The following CMC2 variants were observed in gnomAD, a reference collection of about 807,000 sequenced individuals.
The protein encoded by CMC2 is COX assembly mitochondrial protein 2 homolog.
CMC2 carries 5 observed loss-of-function variants against 7.5 expected under a neutral mutation model. That is an observed-to-expected ratio of 0.66 (90% CI 0.35 to 1.40). CMC2 has a LOEUF of 1.40. CMC2 is among the 40% of genes most tolerant of loss of function. The pLI is 0.04. For missense variants in CMC2, 115 were observed against 92.3 expected (o/e 1.25, Z -1.01); for synonymous variants, 37 against 31.4 (o/e 1.18, Z -0.60).
chr16:80,992,705 C>CTTTTTTTTTTTTTTTT (rs71390989), intron 2 of CMC2, among the ~76,000 whole-genome samples: 1 of 92,518 alleles, frequency 1.1e-5, no homozygotes, highest in Admixed American at 1.3e-4. Context: ...ATTCCCCCTC[C>CTTTTTTTTTTTTTTTT]TTTTTTTTTT....
At chr16:81,000,268 C>A (rs2194321) in intron 1 of CMC2, among the ~76,000 whole-genome samples, 95,759 of 152,018 alleles carry the variant, frequency 0.63, 31,677 homozygotes, top group South Asian at 0.79. Flanking sequence ...GAGGCCAAGG[C>A]AGGCAGATCA....
intron 3 of CMC2, among the ~76,000 whole-genome samples, chr16:80,980,569 G>A (rs1399019329): frequency 2.8e-4 from 30 of 107,612 alleles, no homozygotes; most frequent in African/African-American, 1.1e-3. Flanking sequence ...TCATATAAAG[G>A]ACAAACATTT....
In CMC2 at chr16:80,977,971, C is replaced by G. The variant is rs145002616; in HGVS notation, c.154-1792G>C. ...CCTGTAATTCCAGCTATTCAGGAGG[C>G]TGAGGCAGGAGAATCACTTGAATCC... On this transcript the variant is annotated intron_variant, in intron 3 of 3. Transcript: ENST00000219400. Among the ~76,000 whole-genome samples, 98 of 151,602 alleles carry G rather than the reference C, an allele frequency of 6.5e-4. 2 individuals are homozygous for G. In the East Asian group the frequency reaches 0.015, roughly 23 times the overall value.
At chr16:81,001,026 G>A (rs773249834) in intron 1 of CMC2, among the ~76,000 whole-genome samples, 13 of 152,260 alleles carry the variant, frequency 8.5e-5, no homozygotes, top group Admixed American at 3.9e-4. Flanking sequence ...AAAAAAGGAC[G>A]AAATTATGTC....
rs947816734 is a variant in CMC2 at position 80,971,599 on chromosome 16, C to CATATATATATATATATATATATATAT, written c.*4493_*4494insATATATATATATATATATATATATAT. 58 of 113,162 alleles carry CATATATATATATATATATATATATAT rather than the reference C, an allele frequency of 5.1e-4. 3 individuals carry two copies. Among genetic ancestry groups the CATATATATATATATATATATATATAT allele is most frequent in the African/African-American group, 1.6e-3 (35 of 21,832 alleles). 7.0% of individuals were successfully genotyped at this position (113,162 alleles called of 1,614,324 possible). A position where few individuals can be genotyped will look rare whatever the true frequency, so the allele number is the denominator to read the frequency against. ...ATATATATATATGTATGAAATCATGCATATATATATATGTATGAAATCATG... is the reference window on the plus strand; with the variant it reads ...ATATATATATATGTATGAAATCATGCATATATATATATATATATATATATATATATATATATATGTATGAAATCATG... On this transcript the variant is annotated 3_prime_UTR_variant, in exon 4 of 4. Transcript: ENST00000219400.
At position 80,971,088 on chromosome 16, in the gene CMC2, T is replaced by A. The variant is rs183498593; in HGVS notation, c.*5005A>T. Reference sequence around the variant, plus strand: ...AGGTGGAAGTTGCAGCGAGCTGAGATCATACCACTGCACTCCAGCCTGGGT... The same window carrying A: ...AGGTGGAAGTTGCAGCGAGCTGAGAACATACCACTGCACTCCAGCCTGGGT... On this transcript the variant is annotated 3_prime_UTR_variant, in exon 4 of 4. Transcript: ENST00000219400. 6.6e-6 allele frequency: 1 copy of A among 152,262 alleles called. No individual in the cohort carries two copies. Among genetic ancestry groups the A allele is most frequent in the Non-Finnish European group, 1.5e-5 (1 of 68,032 alleles). The allele number at this position is 152,262 out of a possible 1,614,324, so 9.4% of individuals were successfully genotyped here.
rs1911569794 is a variant in CMC2, at chr16:80,966,610, A to G, written c.*9483T>C. The stretch of plus-strand genomic sequence containing the variant: ...ATTTCAAAACAATATTATTTTTATT[A>G]TAAAGTTTTACTTTTTTTGCAGTTC... On this transcript the variant is annotated 3_prime_UTR_variant, in exon 4 of 4. Transcript: ENST00000219400. The G allele has an allele frequency of 6.6e-6, 1 of 152,196 alleles. No homozygotes were observed. The highest frequency in any genetic ancestry group is 2.1e-4 in the South Asian group (1 of 4,818). 9.4% of individuals were successfully genotyped at this position (152,196 alleles called of 1,614,324 possible). A position where few individuals can be genotyped will look rare whatever the true frequency, so the allele number is the denominator to read the frequency against.
chr16:80,988,526 C>G, intron 2 of CMC2: 1 of 700,158 alleles, frequency 1.4e-6, no homozygotes, highest in Non-Finnish European at 2.6e-6. Context: ...TTGCTTTATC[C>G]TTCTAGCTCT....
chr16:81,000,676 T>C (rs1284426442), intron 1 of CMC2, among the ~76,000 whole-genome samples: 2 of 152,168 alleles, frequency 1.3e-5, no homozygotes, highest in Non-Finnish European at 1.5e-5. Context: ...AGAATGGCTA[T>C]TACTAAAAAG....
intron 3 of CMC2, among the ~76,000 whole-genome samples, chr16:80,979,897 T>G (rs940043243): frequency 2.0e-5 from 3 of 152,174 alleles, no homozygotes; most frequent in African/African-American, 7.2e-5. Context: ...GCTGGGATTA[T>G]AGGCGTGGGC....
intron 1 of CMC2, among the ~76,000 whole-genome samples, chr16:81,004,509 T>C (rs748855232): frequency 7.9e-5 from 12 of 152,162 alleles, no homozygotes; most frequent in Non-Finnish European, 1.5e-4. Flanking sequence ...AAAGGTAAAC[T>C]TGTCACGATT....
At chr16:80,985,748 G>C (rs996011640) in intron 2 of CMC2, among the ~76,000 whole-genome samples, 2 of 151,932 alleles carry the variant, frequency 1.3e-5, no homozygotes, top group African/African-American at 4.8e-5. Flanking sequence ...GCCAGGAAAG[G>C]GAAAAGGAAA....
At position 80,972,120 on chromosome 16, in the gene CMC2, G is replaced by C. The variant is rs1466628344; in HGVS notation, c.*3973C>G. ...AGGCCACCTGCTCCATCTGATACCAGAGGCAGGAGACTGGTAACAATAAAG... is the reference window on the plus strand; with the variant it reads ...AGGCCACCTGCTCCATCTGATACCACAGGCAGGAGACTGGTAACAATAAAG... On this transcript the variant is annotated 3_prime_UTR_variant, in exon 4 of 4. Coordinates refer to ENST00000219400, the MANE Select transcript of CMC2 (RefSeq NM_020188.5). 5 of 152,254 alleles carry C rather than the reference G, an allele frequency of 3.3e-5. No homozygotes were observed. The highest frequency in any genetic ancestry group is 5.9e-5 in the Non-Finnish European group (4 of 68,118). The allele number at this position is 152,254 out of a possible 1,614,324, so 9.4% of individuals were successfully genotyped here. A position where few individuals can be genotyped will look rare whatever the true frequency, so the allele number is the denominator to read the frequency against.
At chr16:80,997,534 A>T (rs1968525114) in intron 1 of CMC2, 105 bp from the exon 2 acceptor site, 1 of 591,036 alleles carries the variant, frequency 1.7e-6, no homozygotes, top group Non-Finnish European at 3.0e-6. Context: ...AAGTATGTTA[A>T]CCATTAACCA....
rs1911803963 is a variant in CMC2 at position 80,969,938 on chromosome 16, T to G, written c.*6155A>C. 6.6e-6 allele frequency: 1 copy of G among 152,128 alleles called. No homozygotes were observed. Among genetic ancestry groups the G allele is most frequent in the Non-Finnish European group, 1.5e-5 (1 of 68,016 alleles). The allele number at this position is 152,128 out of a possible 1,614,324, so 9.4% of individuals were successfully genotyped here. Reference sequence around the variant, plus strand: ...GAATATTGTTCCCATGAGAACTTCCTTAGGAATCTGCTGGAAAATGAGGCT... The same window carrying G: ...GAATATTGTTCCCATGAGAACTTCCGTAGGAATCTGCTGGAAAATGAGGCT... On this transcript the variant is annotated 3_prime_UTR_variant, in exon 4 of 4. Coordinates refer to ENST00000219400, the MANE Select transcript of CMC2 (RefSeq NM_020188.5).
At chr16:80,992,465 A>T (rs1026532714) in intron 2 of CMC2, among the ~76,000 whole-genome samples, 1 of 152,242 alleles carries the variant, frequency 6.6e-6, no homozygotes, top group Non-Finnish European at 1.5e-5. Flanking sequence ...AACAATTTGC[A>T]GTCCCATCAG....
At chr16:80,981,330 G>C (rs1221106085) in intron 3 of CMC2, among the ~76,000 whole-genome samples, 1 of 152,182 alleles carries the variant, frequency 6.6e-6, no homozygotes, top group Non-Finnish European at 1.5e-5. Flanking sequence ...GGAGATGACA[G>C]TGTTCCAAAA....
intron 1 of CMC2, among the ~76,000 whole-genome samples, chr16:80,999,424 C>G (rs1465794346): frequency 1.3e-5 from 2 of 152,124 alleles, no homozygotes; most frequent in South Asian, 2.1e-4. Flanking sequence ...ATGACACAAA[C>G]AAATAGAAAA....
chr16:81,004,309 A>C (rs1321928910), intron 1 of CMC2, among the ~76,000 whole-genome samples: 1 of 152,192 alleles, frequency 6.6e-6, no homozygotes, highest in Non-Finnish European at 1.5e-5. Flanking sequence ...TTTCCAGTGA[A>C]ATAGAGAGGG....
Sources: gnomAD v4.1 joint callset for allele counts (sites outside exome capture counted in the v4.1 genomes callset) on GRCh38, gnomAD v4.1.1 for gene constraint, MANE v1.5 for transcripts, NCBI Gene and HGNC (gene_info 2026-07-23, HGNC 2026-07-21) for gene names.